Variants in KIFC3 observed in about 807,000 individuals in gnomAD.
KIFC3 encodes the protein kinesin-like protein KIFC3.
A neutral mutation model predicts 101.8 loss-of-function variants in KIFC3; 60 were observed. The observed-to-expected ratio is 0.59, with a 90% CI of 0.48 to 0.73. KIFC3 has a LOEUF of 0.73. Among genes scored for constraint, KIFC3 ranks in the 30% least tolerant of loss-of-function variants. KIFC3 has a pLI of 0.00. For missense variants in KIFC3, 966 were observed against 1,137.1 expected, an observed-to-expected ratio of 0.85 and a Z score of 2.16; for synonymous variants, 476 against 482.7, an observed-to-expected ratio of 0.99 and a Z score of 0.18.
At chr16:57,862,226 C>A (rs1033737322) in intron 1 of KIFC3, among the ~76,000 whole-genome samples, 1 of 132,292 alleles carries the variant, frequency 7.6e-6, no homozygotes, top group Admixed American at 8.0e-5. Context: ...CAGACAGGGT[C>A]TTTCCCAGGC....
intron 1 of KIFC3, among the ~76,000 whole-genome samples, chr16:57,831,760 C>T (rs184569932): frequency 6.6e-6 from 1 of 152,304 alleles, no homozygotes; most frequent in East Asian, 1.9e-4. Flanking sequence ...TCCGTGGATA[C>T]AGCTGGTGAA....
chr16:57,760,539 A>C, intron 16 of KIFC3, 123 bp from the exon 17 acceptor site: 3 of 988,684 alleles, frequency 3.0e-6, no homozygotes, highest in Non-Finnish European at 4.6e-6. Context: ...ATGGGGTGGG[A>C]GGGCAGGCAA....
intron 1 of KIFC3, among the ~76,000 whole-genome samples, chr16:57,828,117 T>G (rs994055866): frequency 6.6e-6 from 1 of 152,224 alleles, no homozygotes; most frequent in Non-Finnish European, 1.5e-5. Context: ...GGCTCTTCCC[T>G]GAGCAGCCTC....
At chr16:57,796,296 G>A (rs1364510456) in intron 2 of KIFC3, among the ~76,000 whole-genome samples, 1 of 152,188 alleles carries the variant, frequency 6.6e-6, no homozygotes, top group Non-Finnish European at 1.5e-5. Flanking sequence ...TGGTGCCCAT[G>A]TAGTGCCAGG....
At chr16:57,837,571 A>AAGAAAGAAAGAAAGAAAGAAAGAAAGAG (rs1318797610) in intron 1 of KIFC3, among the ~76,000 whole-genome samples, 7 of 151,862 alleles carry the variant, frequency 4.6e-5, no homozygotes, top group Admixed American at 2.6e-4. Context: ...GAAAGAAAGA[A>AAGAAAGAAAGAAAGAAAGAAAGAAAGAG]AGAAAGAAAG....
chr16:57,778,258 C>T (rs1377404301), intron 3 of KIFC3, among the ~76,000 whole-genome samples: 2 of 152,044 alleles, frequency 1.3e-5, no homozygotes, highest in African/African-American at 4.8e-5. Flanking sequence ...GCAGCCTGGG[C>T]AATACAGCAA....
At chr16:57,775,048 G>C in intron 3 of KIFC3, 2 of 1,521,680 alleles carry the variant, frequency 1.3e-6, no homozygotes, top group Non-Finnish European at 1.8e-6. Flanking sequence ...GGGTTTGCCA[G>C]TGTTTGCTGG....
chr16:57,775,862 C>A (rs782563403), intron 3 of KIFC3: 1 of 985,556 alleles, frequency 1.0e-6, no homozygotes. Context: ...TGGGGCTGTG[C>A]GACACTCCTC....
chr16:57,812,294 A>G (rs9746128), intron 1 of KIFC3, among the ~76,000 whole-genome samples: 128,093 of 149,776 alleles, frequency 0.86, 56,099 homozygotes, highest in Non-Finnish European at 0.96. Context: ...TGCCCGCCTC[A>G]GCCTCCCAAA....
At chr16:57,770,042 C>T in intron 7 of KIFC3, 87 bp from the exon 8 acceptor site, 1 of 1,492,614 alleles carries the variant, frequency 6.7e-7, no homozygotes, top group Non-Finnish European at 9.0e-7. Flanking sequence ...TGGTCACCTC[C>T]CATGCACATG....
At chr16:57,830,112 C>T (rs1555478948) in intron 1 of KIFC3, among the ~76,000 whole-genome samples, 1 of 152,136 alleles carries the variant, frequency 6.6e-6, no homozygotes, top group East Asian at 1.9e-4. Context: ...CCCAGGAGGA[C>T]AGAGAGCACT....
chr16:57,850,971 TTCCTTCCTTCC>T (rs774635005), intron 1 of KIFC3, among the ~76,000 whole-genome samples: 85,311 of 139,878 alleles, frequency 0.61, 26,297 homozygotes, highest in East Asian at 0.68. Flanking sequence ...CCTTCCTTCC[TTCCTTCCTTCC>T]TTCCTTCCTT....
intron 16 of KIFC3, 34 bp from the exon 17 acceptor site, chr16:57,760,450 C>T: frequency 6.2e-7 from 1 of 1,601,534 alleles, no homozygotes; most frequent in Non-Finnish European, 8.5e-7. Context: ...CCCACCCGGG[C>T]CAGCTGGAGG....
At chr16:57,796,334 C>T (rs566150249) in intron 2 of KIFC3, among the ~76,000 whole-genome samples, 1 of 152,318 alleles carries the variant, frequency 6.6e-6, no homozygotes, top group East Asian at 1.9e-4. Flanking sequence ...CAGTACAGGC[C>T]AATAGGACTA....
chr16:57,759,079 G>T, intron 19 of KIFC3, 46 bp downstream of exon 19: 1 of 1,547,272 alleles, frequency 6.5e-7, no homozygotes, highest in Non-Finnish European at 8.7e-7. Context: ...GCAACCCACT[G>T]CGGGCAGGCA....
At chr16:57,802,979 C>A, upstream of KIFC3, 1 of 1,535,842 alleles carries the variant, frequency 6.5e-7, no homozygotes, top group Non-Finnish European at 8.7e-7. The surrounding 1 kb of genome is among the most constrained non-coding windows in gnomAD (Gnocchi z 5.0). Flanking sequence ...ACATGTACAT[C>A]CCTTACCGTG....
chr16:57,848,487 G>T (rs1265442340), intron 1 of KIFC3, among the ~76,000 whole-genome samples: 1 of 152,138 alleles, frequency 6.6e-6, no homozygotes, highest in Non-Finnish European at 1.5e-5. Flanking sequence ...AATTAGCTGG[G>T]CGTTGTGGTG....
intron 3 of KIFC3, among the ~76,000 whole-genome samples, chr16:57,793,399 C>T (rs2054040437): frequency 6.6e-6 from 1 of 151,962 alleles, no homozygotes; most frequent in Non-Finnish European, 1.5e-5. Flanking sequence ...TCAAGACCAG[C>T]CTGGCCAACA....
At chr16:57,845,793 A>G (rs1477646861) in intron 1 of KIFC3, among the ~76,000 whole-genome samples, 1 of 152,128 alleles carries the variant, frequency 6.6e-6, no homozygotes, top group East Asian at 1.9e-4. Context: ...CCAACAGACA[A>G]AATGTTGATG....
Sources: gnomAD v4.1 joint callset for allele counts (sites outside exome capture counted in the v4.1 genomes callset) on GRCh38, gnomAD v4.1.1 for gene constraint, Gnocchi (gnomAD v3.1) non-coding constraint, MANE v1.5 for transcripts, NCBI Gene and HGNC (gene_info 2026-07-23, HGNC 2026-07-21) for gene names.